SAMD5: variants seen among roughly 807,000 people sequenced by gnomAD.
The protein encoded by SAMD5 is sterile alpha motif domain-containing protein 5.
In SAMD5, 13 loss-of-function variants were observed where a neutral mutation model predicts 11.3. The ratio of observed to expected loss-of-function variants is 1.15; its 90% confidence interval spans 0.75 to 1.83. The LOEUF is 1.83. Ranked by LOEUF, SAMD5 falls within the 40% of genes most tolerant of loss-of-function variation. The pLI is 0.00. For synonymous variants in SAMD5, 129 were observed against 111.3 expected (o/e 1.16, Z -1.00); for missense variants, 255 against 239.1 (o/e 1.07, Z -0.44).
chr6:147,740,321 A>G (rs1366232419), downstream of SAMD5, among the ~76,000 whole-genome samples: 1 of 152,224 alleles, frequency 6.6e-6, no homozygotes, highest in Non-Finnish European at 1.5e-5. Flanking sequence ...AGAGCTACAC[A>G]TGAGTATTTT....
chr6:147,664,302 G>C (rs1416157738), intron 1 of SAMD5, among the ~76,000 whole-genome samples: 3 of 152,112 alleles, frequency 2.0e-5, no homozygotes, highest in Non-Finnish European at 4.4e-5. Context: ...TGTCAGCTCT[G>C]TCAGAGGAAA....
chr6:147,922,831 T>G, the SAMD5 span, among the ~76,000 whole-genome samples: 35,514 of 152,030 alleles, frequency 0.23, 4,813 homozygotes, highest in African/African-American at 0.36. Flanking sequence ...TTTCTAAGTG[T>G]GAAGGAGTGT....
chr6:147,559,419 A>G (rs181550546), intron 1 of SAMD5, among the ~76,000 whole-genome samples: 1 of 152,318 alleles, frequency 6.6e-6, no homozygotes, highest in African/African-American at 2.4e-5. Flanking sequence ...AAGAAAAAGC[A>G]GTAGGAAAAT....
the SAMD5 span, among the ~76,000 whole-genome samples, chr6:147,744,921 A>ATAAATAAATAAGTAAG: frequency 3.5e-5 from 5 of 142,640 alleles, no homozygotes; most frequent in South Asian, 4.2e-4. Flanking sequence ...AAATAAATAA[A>ATAAATAAATAAGTAAG]TAAGTAAGTA....
At chr6:147,952,790 T>A in the SAMD5 span, among the ~76,000 whole-genome samples, 121,800 of 152,142 alleles carry the variant, frequency 0.8, 48,910 homozygotes, top group Middle Eastern at 0.91. Flanking sequence ...CTGGGATTAC[T>A]GGCGTGAGCC....
intron 1 of SAMD5, among the ~76,000 whole-genome samples, chr6:147,683,672 A>G (rs1371557753): frequency 6.6e-6 from 1 of 152,204 alleles, no homozygotes. Context: ...AGAGAAGCAT[A>G]TGATGACAAA....
At chr6:147,540,778 G>C (rs112723975) in intron 1 of SAMD5, among the ~76,000 whole-genome samples, 2 of 9,854 alleles carry the variant, frequency 2.0e-4, no homozygotes, top group Admixed American at 2.5e-3. Context: ...AGAGAGAGAG[G>C]GGGGGGGTCC....
the SAMD5 span, among the ~76,000 whole-genome samples, chr6:147,873,903 GTTAT>G: frequency 2.0e-5 from 3 of 152,110 alleles, no homozygotes; most frequent in African/African-American, 7.2e-5. Flanking sequence ...CATCACCAAT[GTTAT>G]TTCAAAAACC....
chr6:147,650,171 C>T (rs1470843389), intron 1 of SAMD5, among the ~76,000 whole-genome samples: 1 of 152,104 alleles, frequency 6.6e-6, no homozygotes, highest in Non-Finnish European at 1.5e-5. Flanking sequence ...TTATTCAATG[C>T]CAGACATTAA....
chr6:147,697,715 A>T (rs1791196443), intron 1 of SAMD5, among the ~76,000 whole-genome samples: 1 of 152,342 alleles, frequency 6.6e-6, no homozygotes, highest in South Asian at 2.1e-4. Flanking sequence ...GGAAACAATC[A>T]TGATGAATGA....
intron 1 of SAMD5, among the ~76,000 whole-genome samples, chr6:147,585,835 A>G (rs1789365981): frequency 6.6e-6 from 1 of 152,330 alleles, no homozygotes; most frequent in East Asian, 1.9e-4. Context: ...GAGAATATAT[A>G]CATACATTCA....
At chr6:147,845,518 A>G in the SAMD5 span, among the ~76,000 whole-genome samples, 19 of 152,304 alleles carry the variant, frequency 1.2e-4, no homozygotes, top group Admixed American at 6.5e-5. Context: ...TCTAGCCTAC[A>G]TAAAGAACTC....
At chr6:147,872,351 G>A in the SAMD5 span, among the ~76,000 whole-genome samples, 1 of 152,074 alleles carries the variant, frequency 6.6e-6, no homozygotes, top group Non-Finnish European at 1.5e-5. Flanking sequence ...TCTCACCTCA[G>A]CCTCCCAAAC....
At position 147,565,250 on chromosome 6, in the gene SAMD5, G is replaced by A; in HGVS notation, c.*794G>A. On this transcript the variant is annotated 3_prime_UTR_variant, in exon 2 of 2. Coordinates refer to ENST00000367474, the MANE Select transcript of SAMD5 (RefSeq NM_001030060.3). ...CTGCCAGGGCCGCAGCTCACAGCCT[G>A]TTCTGAGCTGCAGTGCTTTATCCCA... 1.0e-6 allele frequency: 1 copy of A among 985,884 alleles called. No homozygotes were observed. The highest frequency in any genetic ancestry group is 1.2e-6 in the Non-Finnish European group (1 of 829,970). The allele number at this position is 985,884 out of a possible 1,614,324, so 61.1% of individuals were successfully genotyped here.
Position 147,631,703 on chromosome 6 carries a change from G to A in SAMD5, c.163-105614G>A, listed in dbSNP as rs994072144. On this transcript the variant is annotated intron_variant, in intron 1 of 1. Coordinates refer to the SAMD5 transcript ENST00000566741. ...CAGTGAAAGTGTCTACCCAGACCAAGAGGTATTTTAGTTTCCTGACTCAGG... is the reference window on the plus strand; with the variant it reads ...CAGTGAAAGTGTCTACCCAGACCAAAAGGTATTTTAGTTTCCTGACTCAGG... 9.0e-4 allele frequency among the ~76,000 whole-genome samples: 137 copies of A among 152,104 alleles called. 1 individual carries two copies. Among genetic ancestry groups the A allele is most frequent in the Non-Finnish European group, 4.7e-4 (32 of 68,020 alleles).
the SAMD5 span, among the ~76,000 whole-genome samples, chr6:147,766,976 TGCAAG>T: frequency 8.3e-6 from 1 of 120,570 alleles, no homozygotes; most frequent in Admixed American, 8.9e-5. Flanking sequence ...CTTTATTAAT[TGCAAG>T]ACAAAACAAA....
At chr6:147,610,267 T>A (rs1430318545) in intron 1 of SAMD5, among the ~76,000 whole-genome samples, 1 of 152,172 alleles carries the variant, frequency 6.6e-6, no homozygotes, top group Non-Finnish European at 1.5e-5. Context: ...TCTGTTGCAG[T>A]TCCTATTATT....
At chr6:147,607,565 G>C (rs1470993721) in intron 1 of SAMD5, among the ~76,000 whole-genome samples, 1 of 151,914 alleles carries the variant, frequency 6.6e-6, no homozygotes, top group Non-Finnish European at 1.5e-5. Flanking sequence ...AGGTGCCAAG[G>C]ATATACACTG....
the SAMD5 span, among the ~76,000 whole-genome samples, chr6:147,787,235 A>G: frequency 6.6e-6 from 1 of 152,208 alleles, no homozygotes; most frequent in Non-Finnish European, 1.5e-5. Context: ...TGGAAATGGA[A>G]TTAAGCCTCG....
Sources: allele counts gnomAD v4.1 joint callset (sites outside exome capture counted in the v4.1 genomes callset), GRCh38; gene constraint gnomAD v4.1.1; transcripts MANE v1.5; gene names NCBI Gene and HGNC (gene_info 2026-07-23, HGNC 2026-07-21).